KCNC2: variants seen among roughly 807,000 people sequenced by gnomAD.
The protein encoded by KCNC2 is voltage-gated potassium channel KCNC2.
Under a neutral mutation model 44.5 loss-of-function variants are expected in KCNC2, and 21 were observed. The ratio of observed to expected loss-of-function variants is 0.47; its 90% CI spans 0.33 to 0.68. The LOEUF (loss-of-function observed/expected upper bound fraction) is 0.68, where lower values mean the gene tolerates loss of function less well. Among genes scored for constraint, KCNC2 ranks in the 30% least tolerant of loss-of-function variants. The probability of loss-of-function intolerance (pLI) is 0.01; values close to 1 mark genes in which losing one functional copy is unlikely to be tolerated. For missense variants in KCNC2, 589 were observed against 826.2 expected, an observed-to-expected ratio of 0.71 and a Z score of 3.52; for synonymous variants, 391 against 339.1, an observed-to-expected ratio of 1.15 and a Z score of -1.68.
intron 2 of KCNC2, among the ~76,000 whole-genome samples, chr12:75,173,714 T>C (rs572054916): frequency 6.6e-6 from 1 of 151,822 alleles, no homozygotes; most frequent in Non-Finnish European, 1.5e-5. Flanking sequence ...AAGTTTATAA[T>C]AATAAAGGAG....
chr12:75,146,142 G>T (rs549510984), intron 2 of KCNC2, among the ~76,000 whole-genome samples: 1 of 152,102 alleles, frequency 6.6e-6, no homozygotes, highest in African/African-American at 2.4e-5. Context: ...TTCTAGTAGA[G>T]ACGAGATTTC....
chr12:75,076,312 G>T lies in KCNC2; in HGVS notation c.688-24995C>A, dbSNP rs557962950. Among the ~76,000 whole-genome samples, 4 of 149,806 alleles carry T rather than the reference G, an allele frequency of 2.7e-5. No individual in the cohort carries two copies. In the South Asian group the frequency reaches 8.5e-4, roughly 32 times the overall value. Reference sequence around the variant, plus strand: ...TATTTATTTTCTGAGACTGAGTCTCGCTTTGTCGCCCATGCAGTAGCGCGA... The same window carrying T: ...TATTTATTTTCTGAGACTGAGTCTCTCTTTGTCGCCCATGCAGTAGCGCGA... On this transcript the variant is annotated intron_variant, in intron 2 of 4. Transcript: ENST00000549446.
At chr12:75,186,346 T>G (rs1892947767) in intron 2 of KCNC2, among the ~76,000 whole-genome samples, 1 of 152,106 alleles carries the variant, frequency 6.6e-6, no homozygotes, top group Admixed American at 6.6e-5. Context: ...ACTCAAGGCA[T>G]TCCCAGTGTT....
chr12:75,054,763 A>G (rs1413182685), intron 2 of KCNC2, among the ~76,000 whole-genome samples: 1 of 152,152 alleles, frequency 6.6e-6, no homozygotes, highest in Admixed American at 6.6e-5. Flanking sequence ...TCTTGGAGAT[A>G]CTGAGAAGGT....
At chr12:75,202,700 A>G (rs2031382017) in intron 2 of KCNC2, among the ~76,000 whole-genome samples, 3 of 151,812 alleles carry the variant, frequency 2.0e-5, no homozygotes, top group Admixed American at 1.3e-4. Context: ...TAAGAGCCTA[A>G]TATTTTGTAA....
intron 2 of KCNC2, among the ~76,000 whole-genome samples, chr12:75,117,158 C>A (rs1049250405): frequency 6.6e-6 from 1 of 152,018 alleles, no homozygotes; most frequent in Non-Finnish European, 1.5e-5. Context: ...ATACATTTGT[C>A]TCTGTACACT....
intron 2 of KCNC2, among the ~76,000 whole-genome samples, chr12:75,159,748 T>G (rs1592995877): frequency 1.3e-5 from 2 of 151,780 alleles, no homozygotes; most frequent in Non-Finnish European, 2.9e-5. Flanking sequence ...CTTCAAGGAG[T>G]TTTTTGTAAC....
chr12:75,043,440 C>G, intron 4 of KCNC2, 199 bp from the exon 5 acceptor site: 1 of 1,336,430 alleles, frequency 7.5e-7, no homozygotes, highest in Admixed American at 3.4e-5. Context: ...ATTAAACCAG[C>G]CATCACAAAT....
At chr12:75,147,444 G>A (rs189590101) in intron 2 of KCNC2, among the ~76,000 whole-genome samples, 8 of 151,970 alleles carry the variant, frequency 5.3e-5, no homozygotes, top group African/African-American at 9.7e-5. Context: ...ACCAACTTAC[G>A]ACCTAATTGA....
intron 2 of KCNC2, among the ~76,000 whole-genome samples, chr12:75,134,037 T>G (rs1019805199): frequency 2.6e-5 from 4 of 151,952 alleles, no homozygotes; most frequent in Non-Finnish European, 5.9e-5. Context: ...AAAATTGTAT[T>G]CTGATATACA....
chr12:75,118,016 G>T (rs923275955), intron 2 of KCNC2, among the ~76,000 whole-genome samples: 24 of 152,218 alleles, frequency 1.6e-4, no homozygotes, highest in African/African-American at 5.5e-4. Flanking sequence ...CCATCATGCT[G>T]GACTGTCTCA....
chr12:75,147,679 A>G (rs963615344), intron 2 of KCNC2, among the ~76,000 whole-genome samples: 3 of 152,200 alleles, frequency 2.0e-5, no homozygotes, highest in African/African-American at 7.2e-5. Flanking sequence ...AAGCACAGAC[A>G]TGACACATGG....
chr12:75,205,726 C>T (rs1359957919), intron 2 of KCNC2, among the ~76,000 whole-genome samples: 1 of 151,970 alleles, frequency 6.6e-6, no homozygotes, highest in Non-Finnish European at 1.5e-5. Flanking sequence ...GTGGAAAGAG[C>T]TCCATAACAC....
At chr12:75,089,349 T>G (rs1247827317) in intron 2 of KCNC2, among the ~76,000 whole-genome samples, 1 of 151,844 alleles carries the variant, frequency 6.6e-6, no homozygotes, top group Non-Finnish European at 1.5e-5. Flanking sequence ...ATATTCACTA[T>G]GTAATACTCC....
At chr12:75,170,284 G>T (rs1891727955) in intron 2 of KCNC2, among the ~76,000 whole-genome samples, 1 of 151,612 alleles carries the variant, frequency 6.6e-6, no homozygotes, top group Non-Finnish European at 1.5e-5. Context: ...TAAGTGATTT[G>T]CTCAGGGCCA....
intron 2 of KCNC2, among the ~76,000 whole-genome samples, chr12:75,176,021 G>A (rs149210367): frequency 2.6e-4 from 39 of 152,180 alleles, no homozygotes; most frequent in Admixed American, 6.6e-5. Context: ...AGTGGTATCT[G>A]AGGTAGATTT....
At chr12:75,184,130 C>T (rs983769821) in intron 2 of KCNC2, among the ~76,000 whole-genome samples, 11 of 152,140 alleles carry the variant, frequency 7.2e-5, no homozygotes, top group African/African-American at 2.4e-4. Flanking sequence ...CTGTAGACTG[C>T]CTATTATAAC....
At chr12:75,073,010 C>A (rs1349823973) in intron 2 of KCNC2, among the ~76,000 whole-genome samples, 1 of 151,784 alleles carries the variant, frequency 6.6e-6, no homozygotes, top group Non-Finnish European at 1.5e-5. Context: ...CCAAAAAAAA[C>A]CCAAATCTGA....
At chr12:75,076,142 C>A (rs1380617150) in intron 2 of KCNC2, among the ~76,000 whole-genome samples, 3 of 151,480 alleles carry the variant, frequency 2.0e-5, no homozygotes, top group Non-Finnish European at 2.9e-5. Context: ...AAATAGAAGG[C>A]CTGGTACTCA....
Sources: allele counts gnomAD v4.1 joint callset (sites outside exome capture counted in the v4.1 genomes callset), GRCh38; gene constraint gnomAD v4.1.1; transcripts MANE v1.5; gene names NCBI Gene and HGNC (gene_info 2026-07-23, HGNC 2026-07-21).